The following GULP1 variants were observed in gnomAD, a reference collection of about 807,000 sequenced individuals.
GULP1 encodes the protein GULP PTB domain containing engulfment adaptor 1.
Under a neutral mutation model 40.9 loss-of-function variants are expected in GULP1, and 19 were observed. The ratio of observed to expected loss-of-function variants is 0.46; its 90% CI spans 0.32 to 0.68. The LOEUF (loss-of-function observed/expected upper bound fraction) is 0.68. GULP1 is among the 30% of genes least tolerant of loss of function. GULP1 has a pLI of 0.03. For missense variants in GULP1, 312 were observed against 362.2 expected (o/e 0.86, Z 1.12); for synonymous variants, 119 against 117.6 (o/e 1.01, Z -0.08).
At chr2:188,476,734 A>G (rs187096116) in intron 2 of GULP1, among the ~76,000 whole-genome samples, 60 of 152,240 alleles carry the variant, frequency 3.9e-4, no homozygotes, top group African/African-American at 1.3e-3. Flanking sequence ...TAGAGCAGCA[A>G]AGTTATTTCT....
chr2:188,315,592 G>A (rs999084325), intron 1 of GULP1, among the ~76,000 whole-genome samples: 5 of 152,134 alleles, frequency 3.3e-5, no homozygotes, highest in Non-Finnish European at 5.9e-5. Flanking sequence ...ACAAAATAAA[G>A]GTTTCTTGGA....
At chr2:188,527,110 A>G (rs1686368201) in intron 5 of GULP1, among the ~76,000 whole-genome samples, 1 of 151,952 alleles carries the variant, frequency 6.6e-6, no homozygotes, top group Admixed American at 6.6e-5. Context: ...TTTCTACCTC[A>G]GCCCCTACTT....
intron 2 of GULP1, among the ~76,000 whole-genome samples, chr2:188,439,633 C>T (rs1161642851): frequency 6.6e-6 from 1 of 151,954 alleles, no homozygotes; most frequent in Non-Finnish European, 1.5e-5. Flanking sequence ...TAATGTTATA[C>T]ACCAAATTGC....
At chr2:188,359,853 A>T (rs1359152496) in intron 1 of GULP1, among the ~76,000 whole-genome samples, 5 of 152,134 alleles carry the variant, frequency 3.3e-5, no homozygotes, top group Non-Finnish European at 7.4e-5. Flanking sequence ...GATGCTGCTT[A>T]TGCACTGGTT....
chr2:188,405,956 A>T (rs2053032687), intron 2 of GULP1, among the ~76,000 whole-genome samples: 1 of 152,218 alleles, frequency 6.6e-6, no homozygotes, highest in Non-Finnish European at 1.5e-5. Flanking sequence ...ACTGACACTA[A>T]AGAAATGCAG....
intron 1 of GULP1, among the ~76,000 whole-genome samples, chr2:188,323,404 T>C (rs1308008126): frequency 6.6e-6 from 1 of 152,016 alleles, no homozygotes; most frequent in Non-Finnish European, 1.5e-5. Flanking sequence ...GTACATATTC[T>C]TTTATATTCT....
intron 1 of GULP1, among the ~76,000 whole-genome samples, chr2:188,337,648 G>C (rs1348382392): frequency 6.6e-6 from 1 of 151,844 alleles, no homozygotes; most frequent in Non-Finnish European, 1.5e-5. Flanking sequence ...CCAGATCTTG[G>C]TTAGCAAAGT....
intron 2 of GULP1, among the ~76,000 whole-genome samples, chr2:188,418,370 G>A (rs566078340): frequency 1.3e-5 from 2 of 152,080 alleles, no homozygotes; most frequent in African/African-American, 4.8e-5. Flanking sequence ...AGTGGCTCAT[G>A]CCTGTAATCC....
chr2:188,419,156 C>G (rs777832078), intron 2 of GULP1, among the ~76,000 whole-genome samples: 2 of 152,202 alleles, frequency 1.3e-5, no homozygotes, highest in Non-Finnish European at 2.9e-5. Context: ...AAGTGTTGCA[C>G]TGTACATAGG....
intron 10 of GULP1, among the ~76,000 whole-genome samples, chr2:188,585,264 T>C (rs1702133593): frequency 6.6e-6 from 1 of 152,174 alleles, no homozygotes; most frequent in Non-Finnish European, 1.5e-5. Flanking sequence ...CAGGCTGGCA[T>C]TGAGTGACAG....
intron 1 of GULP1, among the ~76,000 whole-genome samples, chr2:188,339,029 C>G (rs758690445): frequency 6.6e-5 from 10 of 152,152 alleles, no homozygotes; most frequent in Non-Finnish European, 1.3e-4. Flanking sequence ...AATCCATCTT[C>G]CAGTGCCTCT....
chr2:188,542,725 T>G (rs1412044023), intron 7 of GULP1, among the ~76,000 whole-genome samples: 1 of 152,190 alleles, frequency 6.6e-6, no homozygotes, highest in Non-Finnish European at 1.5e-5. Context: ...TATGAACTTC[T>G]GATGAATGAA....
chr2:188,504,760 C>T (rs1268788213), intron 4 of GULP1, among the ~76,000 whole-genome samples: 1 of 151,820 alleles, frequency 6.6e-6, no homozygotes, highest in Non-Finnish European at 1.5e-5. Flanking sequence ...ATACATGAAG[C>T]TGCTTTATTT....
chr2:188,348,048 T>C (rs749052097), intron 1 of GULP1, among the ~76,000 whole-genome samples: 12 of 152,238 alleles, frequency 7.9e-5, no homozygotes, highest in Non-Finnish European at 1.0e-4. Context: ...ATGTAGTAGA[T>C]GTCAAAGAAA....
At chr2:188,569,172 G>C in intron 7 of GULP1, 67 bp from the exon 8 acceptor site, 1 of 842,176 alleles carries the variant, frequency 1.2e-6, no homozygotes, top group Non-Finnish European at 2.1e-6. Flanking sequence ...TATGAATGTT[G>C]TTTTCTCGAT....
intron 2 of GULP1, among the ~76,000 whole-genome samples, chr2:188,476,011 A>G (rs796739829): frequency 1.3e-5 from 2 of 152,294 alleles, no homozygotes; most frequent in African/African-American, 4.8e-5. Flanking sequence ...GGCAACAACT[A>G]GGTTTCAAGA....
chr2:188,436,888 A>C (rs1224113647), intron 2 of GULP1, among the ~76,000 whole-genome samples: 1 of 152,062 alleles, frequency 6.6e-6, no homozygotes, highest in Non-Finnish European at 1.5e-5. Context: ...GTATATCTCT[A>C]TTTCTATCCA....
At chr2:188,552,292 C>T (rs1471283789) in intron 7 of GULP1, among the ~76,000 whole-genome samples, 2 of 151,634 alleles carry the variant, frequency 1.3e-5, no homozygotes, top group African/African-American at 2.4e-5. Context: ...AATATTTTTA[C>T]AGTTCCAGAT....
At chr2:188,470,670 C>A (rs979415691) in intron 2 of GULP1, among the ~76,000 whole-genome samples, 12 of 152,030 alleles carry the variant, frequency 7.9e-5, no homozygotes, top group African/African-American at 2.7e-4. Context: ...TTCACTAACC[C>A]ACTCATCATT....
Sources: allele counts gnomAD v4.1 joint callset (sites outside exome capture counted in the v4.1 genomes callset), GRCh38; gene constraint gnomAD v4.1.1; transcripts MANE v1.5; gene names NCBI Gene and HGNC (gene_info 2026-07-23, HGNC 2026-07-21).